The following PARP6 variants were observed in gnomAD, a reference collection of about 807,000 sequenced individuals.
The protein encoded by PARP6 is poly(ADP-ribose) polymerase family member 6.
A neutral mutation model predicts 92.0 loss-of-function variants in PARP6; 27 were observed. The ratio of observed to expected loss-of-function variants is 0.29; its 90% CI spans 0.22 to 0.40. The LOEUF is 0.40. PARP6 is among the 10% of genes least tolerant of loss of function. The probability of loss-of-function intolerance (pLI) is 1.00; values close to 1 mark genes in which losing one functional copy is unlikely to be tolerated. For synonymous variants in PARP6, 272 were observed against 281.2 expected (o/e 0.97, Z 0.33); for missense variants, 501 against 784.5 (o/e 0.64, Z 4.32).
chr15:72,266,805 G>A lies in PARP6; in HGVS notation c.21C>T (p.Phe7=), dbSNP rs762547144. Residue 7 remains phenylalanine (F), a synonymous_variant, in exon 4 of 24, where the codon TTC becomes TTT. Coordinates refer to ENST00000569795, the MANE Select transcript of PARP6 (RefSeq NM_001323532.2). ...CTCCCTCCGAGTCGTCATCATTCCA[G>A]AACTGGCCTTTGATGTCCTAGTGGT... MDIKGQ[F]WNDDDSEGDN... 23 of 1,613,804 alleles carry A rather than the reference G, an allele frequency of 1.4e-5. No homozygotes were observed. The highest frequency in any genetic ancestry group is 1.9e-5 in the Non-Finnish European group (23 of 1,179,696).
intron 16 of PARP6, among the ~76,000 whole-genome samples, chr15:72,252,535 G>T (rs1413355626): frequency 6.6e-6 from 1 of 151,978 alleles, no homozygotes; most frequent in Non-Finnish European, 1.5e-5. Context: ...GCCCAGGCTG[G>T]AGTGTAATGG....
At position 72,248,435 on chromosome 15, in the gene PARP6, G is replaced by A. The variant is rs1021118427; in HGVS notation, c.1561+810C>T. Among the ~76,000 whole-genome samples, 9 of 151,628 alleles carry A rather than the reference G, an allele frequency of 5.9e-5. No individual in the cohort carries two copies. The East Asian group carries it at 1.2e-3, about 20-fold the overall frequency. The stretch of plus-strand genomic sequence containing the variant: ...CAGCTCACTGCAACCTCCGCCTCCC[G>A]GGTTCAAGCGATTCTCCTGCCTCAG... On this transcript the variant is annotated intron_variant, in intron 20 of 23. Coordinates refer to ENST00000569795, the MANE Select transcript of PARP6 (RefSeq NM_001323532.2).
chr15:72,249,095 TAGAG>T (rs1201902218), intron 20 of PARP6, 146 bp downstream of exon 20: 6 of 434,348 alleles, frequency 1.4e-5, no homozygotes, highest in Non-Finnish European at 2.1e-5. Context: ...TAAGAAAATG[TAGAG>T]AGAGAGAGAA....
At chr15:72,261,787 A>C in intron 8 of PARP6, 80 bp from the exon 9 acceptor site, 1 of 1,398,090 alleles carries the variant, frequency 7.2e-7, no homozygotes, top group Admixed American at 1.8e-5. Context: ...AAATAATCTA[A>C]AATTCAGACC....
At chr15:72,266,867 T>A in intron 3 of PARP6, 45 bp from the exon 4 acceptor site, 1 of 1,441,836 alleles carries the variant, frequency 6.9e-7, no homozygotes, top group Non-Finnish European at 9.8e-7. Flanking sequence ...AGGTCCCTAT[T>A]ATCCCATGGA....
chr15:72,267,901 G>A (rs191890765), intron 2 of PARP6, among the ~76,000 whole-genome samples: 1 of 152,200 alleles, frequency 6.6e-6, no homozygotes, highest in African/African-American at 2.4e-5. Flanking sequence ...ACAGGTGCCT[G>A]CTGCCACGCC....
chr15:72,264,937 T>C (rs2086382706), intron 7 of PARP6, 144 bp downstream of exon 7: 5 of 631,004 alleles, frequency 7.9e-6, no homozygotes, highest in Non-Finnish European at 1.1e-5. Flanking sequence ...AGATACCAAT[T>C]ACAGGGGACT....
chr15:72,259,230 A>G (rs1482791040), intron 11 of PARP6, among the ~76,000 whole-genome samples: 2 of 152,242 alleles, frequency 1.3e-5, no homozygotes, highest in East Asian at 3.8e-4. Context: ...GATTTTAAAA[A>G]GCAAATGACC....
chr15:72,241,388 C>T lies in PARP6; in HGVS notation c.*67G>A. The T allele has an allele frequency of 1.8e-6, 2 of 1,127,684 alleles. No individual in the cohort carries two copies. Among genetic ancestry groups the T allele is most frequent in the Non-Finnish European group, 2.7e-6 (2 of 740,616 alleles). The allele number at this position is 1,127,684 out of a possible 1,614,324, so 69.9% of individuals were successfully genotyped here. ...CCTCAGGGCAGCCTCAGCTGCTGTACCTGAACACTTTTATGAGGGCAGATG... is the reference window on the plus strand; with the variant it reads ...CCTCAGGGCAGCCTCAGCTGCTGTATCTGAACACTTTTATGAGGGCAGATG... On this transcript the variant is annotated 3_prime_UTR_variant, in exon 24 of 24. Coordinates refer to ENST00000569795, the MANE Select transcript of PARP6 (RefSeq NM_001323532.2). The surrounding 1 kb of genome is among the most constrained non-coding windows in gnomAD (Gnocchi z 4.1).
chr15:72,243,400 G>A (rs2083276427), intron 20 of PARP6: 1 of 152,170 alleles, frequency 6.6e-6, no homozygotes, highest in South Asian at 2.1e-4. Context: ...TTAAAAACCT[G>A]ACCAGTCATT....
At position 72,271,932 on chromosome 15, in the gene PARP6, G is replaced by A. The variant is rs533918591; in HGVS notation, c.-460+461C>T. ...CCCTAGGTCCATGGGCGCTTCTCTA[G>A]GTGTGACAACTTCACGTCTAGTCAA... On this transcript the variant is annotated intron_variant, in intron 1 of 23. Transcript: ENST00000569795. Among the ~76,000 whole-genome samples the A allele has an allele frequency of 2.6e-5, 4 of 152,308 alleles. No homozygotes were observed. In the South Asian group the frequency reaches 8.3e-4, roughly 32 times the overall value.
chr15:72,250,579 A>C (rs2084212130), intron 18 of PARP6: 1 of 447,806 alleles, frequency 2.2e-6, no homozygotes. Context: ...TAGCTTTCAG[A>C]TCTGTTCTCT....
At chr15:72,249,918 G>A (rs891468598) in intron 19 of PARP6, 102 bp downstream of exon 19, 3 of 743,458 alleles carry the variant, frequency 4.0e-6, no homozygotes, top group Non-Finnish European at 7.4e-6. Flanking sequence ...GGTTAGGCTT[G>A]AGGACACTGA....
At chr15:72,248,828 G>A (rs1222925654) in intron 20 of PARP6, among the ~76,000 whole-genome samples, 9 of 152,230 alleles carry the variant, frequency 5.9e-5, no homozygotes, top group African/African-American at 2.2e-4. Flanking sequence ...TTGAGAGAGA[G>A]AACAGTGTCT....
chr15:72,267,550 G>A lies in PARP6; in HGVS notation c.-73C>T. 4 of 1,557,968 alleles carry A rather than the reference G, an allele frequency of 2.6e-6. No homozygotes were observed. The highest frequency in any genetic ancestry group is 3.5e-6 in the Non-Finnish European group (4 of 1,129,312). On this transcript the variant is annotated 5_prime_UTR_variant, in exon 3 of 24. Transcript: ENST00000569795. ...CCTCCATACCACTAGCCGAACCAAG[G>A]CCAACGAGATGGGCATTTAGGAGAC...
Position 72,267,564 on chromosome 15 carries a change from C to A in PARP6, c.-87G>T. The A allele has an allele frequency of 7.1e-7, 1 of 1,418,212 alleles. No homozygotes were observed. The highest frequency in any genetic ancestry group is 1.0e-6 in the Non-Finnish European group (1 of 1,002,032). The allele number at this position is 1,418,212 out of a possible 1,614,324, so 87.9% of individuals were successfully genotyped here. On this transcript the variant is annotated 5_prime_UTR_variant, in exon 3 of 24. It removes an upstream start codon present in the reference 5' UTR. Transcript: ENST00000569795. ...GCCGAACCAAGGCCAACGAGATGGG[C>A]ATTTAGGAGACCACAAAGGGAGACA...
At chr15:72,251,465 G>A in intron 16 of PARP6, 1 of 393,130 alleles carries the variant, frequency 2.5e-6, no homozygotes. Flanking sequence ...GTAGTGACCA[G>A]ACACAAGCTA....
rs748132548 is a variant in PARP6 at position 72,256,570 on chromosome 15, G to C, written c.1020C>G (p.Ala340=). The change falls in exon 14 of 24, where the codon GCC becomes GCG. Residue 340 remains alanine, a synonymous_variant. Transcript: ENST00000569795. ...TGAEVVDLLV[A]MCRAALESPR... The stretch of plus-strand genomic sequence containing the variant: ...GGGACTCTAAAGCTGCCCTACACAT[G>C]GCCACCAGCAGATCCACCACCTTAG... 1 of 1,569,816 alleles carries C rather than the reference G, an allele frequency of 6.4e-7. No homozygotes were observed. The highest frequency in any genetic ancestry group is 1.9e-5 in the Admixed American group (1 of 51,710).
chr15:72,271,703 GAAGT>G (rs1405607568), intron 1 of PARP6, among the ~76,000 whole-genome samples: 1 of 152,164 alleles, frequency 6.6e-6, no homozygotes, highest in African/African-American at 2.4e-5. Flanking sequence ...AGTTGTTAAT[GAAGT>G]AAGCAAGAAA....
Sources: allele counts gnomAD v4.1 joint callset (sites outside exome capture counted in the v4.1 genomes callset), GRCh38; gene constraint gnomAD v4.1.1; non-coding constraint Gnocchi (gnomAD v3.1); transcripts MANE v1.5; gene names NCBI Gene and HGNC (gene_info 2026-07-23, HGNC 2026-07-21).